GALNT12: variants seen among roughly 807,000 people sequenced by gnomAD.
GALNT12 encodes the protein polypeptide N-acetylgalactosaminyltransferase 12.
GALNT12 carries 45 observed loss-of-function variants against 55.5 expected under a neutral mutation model. That is an observed-to-expected ratio of 0.81 (90% CI 0.64 to 1.04). The LOEUF is 1.04. GALNT12 is among the 50% of genes least tolerant of loss of function. GALNT12 has a pLI of 0.00. For missense variants in GALNT12, 709 were observed against 754.8 expected (o/e 0.94, Z 0.71); for synonymous variants, 304 against 312.2 (o/e 0.97, Z 0.28).
At chr9:98,832,241 T>C (rs1019906608) in intron 4 of GALNT12, among the ~76,000 whole-genome samples, 7 of 152,230 alleles carry the variant, frequency 4.6e-5, no homozygotes, top group African/African-American at 1.4e-4. Context: ...AATTTTAGGC[T>C]GAGCATGGTG....
intron 1 of GALNT12, among the ~76,000 whole-genome samples, chr9:98,822,236 GC>G (rs1346218958): frequency 6.6e-6 from 1 of 152,200 alleles, no homozygotes; most frequent in East Asian, 1.9e-4. Context: ...GCCTTGGCCA[GC>G]CCCCAGCATT....
In GALNT12 at chr9:98,807,922, T is replaced by TGGGCGCGCG. The variant is rs1465375485; in HGVS notation, c.230_238dup (p.Ala77_Gly79dup). The TGGGCGCGCG allele has an allele frequency of 4.0e-6, 5 of 1,241,202 alleles. No individual in the cohort carries two copies. The highest frequency in any genetic ancestry group is 5.1e-6 in the Non-Finnish European group (5 of 989,902). 76.9% of individuals were successfully genotyped at this position (1,241,202 alleles called of 1,614,324 possible). Reference sequence around the variant, plus strand: ...CGGCCGCCGGTGCCGGCGAACGCGCTGGGCGCGCGGGGCGAGGCGGTGCGG... The same window carrying TGGGCGCGCG: ...CGGCCGCCGGTGCCGGCGAACGCGCTGGGCGCGCGGGGCGCGCGGGGCGAGGCGGTGCGG... On this transcript the variant is annotated inframe_insertion, in exon 1 of 10. Transcript: ENST00000375011.
At chr9:98,812,409 G>A (rs1169623179) in intron 1 of GALNT12, among the ~76,000 whole-genome samples, 1 of 152,080 alleles carries the variant, frequency 6.6e-6, no homozygotes, top group African/African-American at 2.4e-5. Flanking sequence ...TGGCCAACAT[G>A]GTGAAAACCT....
intron 3 of GALNT12, among the ~76,000 whole-genome samples, chr9:98,829,481 G>A (rs570745601): frequency 6.4e-4 from 98 of 152,002 alleles, no homozygotes; most frequent in African/African-American, 2.2e-3. Flanking sequence ...GAACCACCAC[G>A]CCCAGCCAGT....
chr9:98,825,153 T>C (rs1257796008), intron 2 of GALNT12, among the ~76,000 whole-genome samples: 2 of 152,252 alleles, frequency 1.3e-5, no homozygotes, highest in Non-Finnish European at 2.9e-5. Flanking sequence ...TGATAACTTC[T>C]ATTTTTATAA....
intron 9 of GALNT12, chr9:98,847,174 T>G (rs1028256832): frequency 6.6e-6 from 1 of 152,206 alleles, no homozygotes; most frequent in Non-Finnish European, 1.5e-5. Flanking sequence ...GAAAATCATT[T>G]GAAAGAAAAA....
intron 3 of GALNT12, among the ~76,000 whole-genome samples, chr9:98,828,121 G>C (rs1215400039): frequency 1.3e-5 from 2 of 152,196 alleles, no homozygotes; most frequent in African/African-American, 2.4e-5. Context: ...CAAAGGGCTG[G>C]AGGGGCAGGG....
At chr9:98,832,372 A>G (rs1057440964) in intron 4 of GALNT12, among the ~76,000 whole-genome samples, 3 of 152,238 alleles carry the variant, frequency 2.0e-5, no homozygotes, top group Middle Eastern at 3.4e-3. Context: ...AATAAAAATT[A>G]GCTGAGCATG....
chr9:98,844,034 T>C, intron 7 of GALNT12, 62 bp from the exon 8 acceptor site: 4 of 1,140,208 alleles, frequency 3.5e-6, no homozygotes, highest in Non-Finnish European at 5.3e-6. Context: ...CCCCAAGCCT[T>C]GTGTGGCATC....
Position 98,849,448 on chromosome 9 carries a change from T to C in GALNT12, c.*356T>C. 5.6e-6 allele frequency: 3 copies of C among 533,044 alleles called. No homozygotes were observed. The highest frequency in any genetic ancestry group is 9.8e-6 in the Non-Finnish European group (3 of 306,270). The allele number at this position is 533,044 out of a possible 1,614,324, so 33.0% of individuals were successfully genotyped here. The stretch of plus-strand genomic sequence containing the variant: ...TAGCAAAAAAGATAAAGATTTTATT[T>C]TGGTATTTACAAGAATTCCCAGGTA... On this transcript the variant is annotated 3_prime_UTR_variant, in exon 10 of 10. Transcript: ENST00000375011.
At position 98,831,889 on chromosome 9, in the gene GALNT12, G is replaced by A. The variant is rs1445593756; in HGVS notation, c.849G>A (p.Leu283=). 6.2e-7 allele frequency: 1 copy of A among 1,614,144 alleles called. No individual in the cohort carries two copies. The highest frequency in any genetic ancestry group is 1.7e-5 in the Admixed American group (1 of 60,024). Residue 283 remains leucine (L), a synonymous_variant, in exon 4 of 10, where the codon CTG becomes CTA. Coordinates refer to ENST00000375011, the MANE Select transcript of GALNT12 (RefSeq NM_024642.5). The part of the protein sequence containing the change: ...EPQIGGFDWR[L]VFTWHTVPER... ...AGATCGGCGGTTTCGACTGGAGGCT[G>A]GTGTTCACGTGGCACACAGTTCCTG...
intron 8 of GALNT12, among the ~76,000 whole-genome samples, chr9:98,845,571 T>C (rs1836391407): frequency 6.6e-6 from 1 of 151,816 alleles, no homozygotes; most frequent in Admixed American, 6.6e-5. Context: ...ATATTGGGGG[T>C]TTGGGAGGAG....
intron 8 of GALNT12, among the ~76,000 whole-genome samples, chr9:98,844,839 A>G (rs1055389787): frequency 1.3e-5 from 2 of 152,134 alleles, no homozygotes; most frequent in African/African-American, 4.8e-5. Context: ...TCTGAAGACC[A>G]GAAAAGGACC....
At chr9:98,848,513 C>A (rs754626730) in intron 9 of GALNT12, among the ~76,000 whole-genome samples, 4 of 152,212 alleles carry the variant, frequency 2.6e-5, no homozygotes, top group Admixed American at 1.3e-4. Context: ...AAGTGACTGG[C>A]TTCCTCATCC....
intron 1 of GALNT12, among the ~76,000 whole-genome samples, chr9:98,815,357 T>C (rs759148987): frequency 6.6e-6 from 1 of 152,232 alleles, no homozygotes; most frequent in African/African-American, 2.4e-5. Context: ...TATAGACTAA[T>C]GGAAGTGTTC....
chr9:98,844,550 T>G (rs1836370204), intron 8 of GALNT12: 1 of 308,148 alleles, frequency 3.2e-6, no homozygotes, highest in East Asian at 9.0e-5. Flanking sequence ...GTACCTGTAT[T>G]ACTGTTTCGT....
chr9:98,808,186 T>C (rs554353537), intron 1 of GALNT12, 117 bp downstream of exon 1: 1 of 761,476 alleles, frequency 1.3e-6, no homozygotes. Context: ...TCTTATTGAG[T>C]CTTTCTCCGA....
intron 1 of GALNT12, among the ~76,000 whole-genome samples, chr9:98,813,345 A>G (rs890960870): frequency 1.3e-5 from 2 of 152,158 alleles, no homozygotes; most frequent in African/African-American, 4.8e-5. Flanking sequence ...TTTCTTTGTC[A>G]TTCATTTGAG....
At chr9:98,846,386 C>T (rs1209430799) in intron 9 of GALNT12, among the ~76,000 whole-genome samples, 1 of 152,170 alleles carries the variant, frequency 6.6e-6, no homozygotes, top group African/African-American at 2.4e-5. Context: ...TTTTCCATTT[C>T]CCTTGCACCC....
Sources: allele counts gnomAD v4.1 joint callset (sites outside exome capture counted in the v4.1 genomes callset), GRCh38; gene constraint gnomAD v4.1.1; transcripts MANE v1.5; gene names NCBI Gene and HGNC (gene_info 2026-07-23, HGNC 2026-07-21).